Variants in CSMD1 observed in about 807,000 individuals in gnomAD.
CSMD1 encodes CUB and sushi domain-containing protein 1.
A neutral mutation model predicts 417.5 loss-of-function variants in CSMD1; 213 were observed. That is an observed-to-expected ratio of 0.51 (90% confidence interval 0.46 to 0.57). CSMD1 has a LOEUF of 0.57. CSMD1 is among the 20% of genes least tolerant of loss of function. CSMD1 has a pLI of 0.00. For missense variants in CSMD1, 6,923 were observed against 4,529.7 expected (o/e 1.53, Z -15.17); for synonymous variants, 2,862 against 1,736.8 (o/e 1.65, Z -16.11).
At position 4,846,304 on chromosome 8, in the gene CSMD1, T is replaced by G. The variant is rs139801370; in HGVS notation, c.85+148028A>C. 2.8e-3 allele frequency among the ~76,000 whole-genome samples: 432 copies of G among 152,358 alleles called. 1 individual carries two copies. Among genetic ancestry groups the G allele is most frequent in the African/African-American group, 9.6e-3 (398 of 41,582 alleles). On this transcript the variant is annotated intron_variant, in intron 1 of 69. Transcript: ENST00000635120. Reference sequence around the variant, plus strand: ...TTAACTTGTTATTTCCATGTATACCTTACTATCTAACAGCCTGTAAGGAGA... The same window carrying G: ...TTAACTTGTTATTTCCATGTATACCGTACTATCTAACAGCCTGTAAGGAGA...
intron 3 of CSMD1, among the ~76,000 whole-genome samples, chr8:4,304,718 G>A (rs977363): frequency 0.76 from 115,434 of 152,044 alleles, 43,898 homozygotes; most frequent in East Asian, 0.85. Flanking sequence ...TACAAGGAGA[G>A]CCAACTAAAT....
In CSMD1 at chr8:4,138,106, G is replaced by C. The variant is rs1228074932; in HGVS notation, c.416-106007C>G. On this transcript the variant is annotated intron_variant, in intron 3 of 69. Transcript: ENST00000635120. ...TTTTTTTGTATTTTTTAGTAGAGAC[G>C]CGGTTTCACCGTGTTACCCAGGATG... Among the ~76,000 whole-genome samples, 8 of 111,380 alleles carry C rather than the reference G, an allele frequency of 7.2e-5. 1 individual carries two copies. The highest frequency in any genetic ancestry group is 6.2e-4 in the South Asian group (2 of 3,208). The allele number at this position is 111,380 out of a possible 152,430, so 73.1% of individuals were successfully genotyped here. A position where few individuals can be genotyped will look rare whatever the true frequency, so the allele number is the denominator to read the frequency against.
intron 25 of CSMD1, among the ~76,000 whole-genome samples, chr8:3,300,693 A>T (rs1804323861): frequency 6.6e-6 from 1 of 152,134 alleles, no homozygotes; most frequent in South Asian, 2.1e-4. Flanking sequence ...CTGGTGGCTC[A>T]CGCTTCTAAT....
intron 5 of CSMD1, among the ~76,000 whole-genome samples, chr8:3,956,240 C>G (rs1014069456): frequency 2.0e-5 from 3 of 152,156 alleles, no homozygotes; most frequent in Non-Finnish European, 2.9e-5. Flanking sequence ...GTGTTGTTAA[C>G]TTTTTCACAA....
At chr8:4,048,315 G>A (rs74608898) in intron 3 of CSMD1, among the ~76,000 whole-genome samples, 14 of 152,180 alleles carry the variant, frequency 9.2e-5, no homozygotes, top group Admixed American at 3.3e-4. Flanking sequence ...ACACAAAGAG[G>A]GGAGTCTTTC....
At chr8:4,414,031 T>C (rs1343895259) in intron 3 of CSMD1, among the ~76,000 whole-genome samples, 1 of 151,968 alleles carries the variant, frequency 6.6e-6, no homozygotes, top group Non-Finnish European at 1.5e-5. Flanking sequence ...GCTAGCACGT[T>C]CTTGAAAAGG....
intron 1 of CSMD1, among the ~76,000 whole-genome samples, chr8:4,890,885 A>G (rs1804074744): frequency 6.6e-6 from 1 of 152,116 alleles, no homozygotes; most frequent in African/African-American, 2.4e-5. Context: ...ATTTCAGCCA[A>G]ACCCCTAGAG....
chr8:3,653,919 G>C (rs891327359), intron 7 of CSMD1, among the ~76,000 whole-genome samples: 2 of 152,128 alleles, frequency 1.3e-5, no homozygotes, highest in African/African-American at 4.8e-5. Flanking sequence ...ACTTGCTCTT[G>C]TGTCTGAAAC....
chr8:4,767,060 T>C (rs1812515949), intron 1 of CSMD1, among the ~76,000 whole-genome samples: 2 of 152,162 alleles, frequency 1.3e-5, no homozygotes, highest in South Asian at 4.1e-4. Flanking sequence ...AATACTGCTT[T>C]ATAATGTTAT....
At chr8:4,476,645 G>A (rs978731390) in intron 2 of CSMD1, among the ~76,000 whole-genome samples, 1 of 152,132 alleles carries the variant, frequency 6.6e-6, no homozygotes, top group Non-Finnish European at 1.5e-5. Flanking sequence ...GCAACTCATA[G>A]TCTAACACCA....
intron 10 of CSMD1, among the ~76,000 whole-genome samples, chr8:3,527,551 G>C (rs147178237): frequency 0.01 from 1,541 of 152,194 alleles, 11 homozygotes; most frequent in Middle Eastern, 0.027. Flanking sequence ...ATGGTCACAA[G>C]AATTGATACC....
At chr8:4,294,471 T>C (rs914301187) in intron 3 of CSMD1, among the ~76,000 whole-genome samples, 4 of 152,138 alleles carry the variant, frequency 2.6e-5, no homozygotes, top group Non-Finnish European at 4.4e-5. Context: ...TCTAAATCAC[T>C]GATCTCTGTT....
intron 5 of CSMD1, among the ~76,000 whole-genome samples, chr8:3,820,918 T>A (rs904623407): frequency 6.6e-6 from 1 of 151,842 alleles, no homozygotes; most frequent in Admixed American, 6.6e-5. Context: ...GTGTTCTATC[T>A]TTTTTTTAAT....
Position 3,876,450 on chromosome 8 carries a change from C to G in CSMD1, c.818+121453G>C, listed in dbSNP as rs576117263. On this transcript the variant is annotated intron_variant, in intron 5 of 69. Coordinates refer to ENST00000635120, the MANE Select transcript of CSMD1 (RefSeq NM_033225.6). ...TGGAGACACCATTCTCCTTTTATTC[C>G]TGTCTCTTGTTGGAGAGTCCTAACA... is the stretch of plus-strand genomic sequence containing the variant. Among the ~76,000 whole-genome samples, 11 of 152,232 alleles carry G rather than the reference C, an allele frequency of 7.2e-5. No homozygotes were observed. In the South Asian group the frequency reaches 2.3e-3, roughly 32 times the overall value.
At chr8:4,906,419 C>T (rs2117067960) in intron 1 of CSMD1, among the ~76,000 whole-genome samples, 1 of 152,206 alleles carries the variant, frequency 6.6e-6, no homozygotes, top group East Asian at 1.9e-4. Context: ...GTGGTCTGGC[C>T]CCAGCAACTT....
intron 3 of CSMD1, among the ~76,000 whole-genome samples, chr8:4,220,347 G>A (rs1448373297): frequency 6.6e-6 from 1 of 152,184 alleles, no homozygotes; most frequent in Non-Finnish European, 1.5e-5. Flanking sequence ...ATGTACAACA[G>A]CAGGAAAGAG....
intron 3 of CSMD1, among the ~76,000 whole-genome samples, chr8:4,226,109 C>G (rs951028904): frequency 6.7e-6 from 1 of 149,618 alleles, no homozygotes; most frequent in Admixed American, 6.7e-5. Context: ...CACACACACG[C>G]CAACACACAT....
At chr8:3,401,546 G>C (rs770619091) in intron 15 of CSMD1, among the ~76,000 whole-genome samples, 1 of 152,140 alleles carries the variant, frequency 6.6e-6, no homozygotes, top group African/African-American at 2.4e-5. Context: ...TAAATAGTAA[G>C]TAATAAGTTT....
At chr8:3,815,425 G>C (rs917143125) in intron 5 of CSMD1, among the ~76,000 whole-genome samples, 4 of 152,056 alleles carry the variant, frequency 2.6e-5, no homozygotes, top group Non-Finnish European at 1.5e-5. Flanking sequence ...TATATTGATA[G>C]TATAATACAC....
Sources: allele counts gnomAD v4.1 joint callset (sites outside exome capture counted in the v4.1 genomes callset), GRCh38; gene constraint gnomAD v4.1.1; transcripts MANE v1.5; gene names NCBI Gene and HGNC (gene_info 2026-07-23, HGNC 2026-07-21).